PTPRD: variants seen among roughly 807,000 people sequenced by gnomAD.
PTPRD encodes receptor-type tyrosine-protein phosphatase delta.
In PTPRD, 34 loss-of-function variants were observed where a neutral mutation model predicts 214.5. The observed-to-expected ratio is 0.16, with a 90% CI of 0.12 to 0.21. The LOEUF is 0.21. Ranked by LOEUF, PTPRD falls within the 10% of genes least tolerant of loss-of-function variation. PTPRD has a pLI of 1.00. For synonymous variants in PTPRD, 1,128 were observed against 845.7 expected, an observed-to-expected ratio of 1.33 and a Z score of -5.79; for missense variants, 2,545 against 2,398.7, an observed-to-expected ratio of 1.06 and a Z score of -1.27.
chr9:10,267,711 A>C (rs2094160146), intron 3 of PTPRD, among the ~76,000 whole-genome samples: 1 of 152,166 alleles, frequency 6.6e-6, no homozygotes, highest in Admixed American at 6.5e-5. Flanking sequence ...CATAATAGTA[A>C]ATATAAATGT....
chr9:10,493,955 A>T (rs1482264293), intron 2 of PTPRD, among the ~76,000 whole-genome samples: 1 of 151,970 alleles, frequency 6.6e-6, no homozygotes, highest in Non-Finnish European at 1.5e-5. Context: ...ATGATGCCAT[A>T]TCTATTTGAC....
chr9:8,842,075 C>A lies in PTPRD; in HGVS notation c.-103-108129G>T, dbSNP rs149499228. On this transcript the variant is annotated intron_variant, in intron 11 of 45. Transcript: ENST00000381196. ...GTATTTTTTTAAACAAAAATAACTT[C>A]TTGTATAACAATGAGAATGAAAAAA... 9.6e-3 allele frequency among the ~76,000 whole-genome samples: 1,455 copies of A among 151,216 alleles called. 12 individuals carry two copies. Among genetic ancestry groups the A allele is most frequent in the Non-Finnish European group, 0.015 (1,015 of 67,870 alleles).
At chr9:8,687,399 C>G (rs1440718196) in intron 12 of PTPRD, among the ~76,000 whole-genome samples, 1 of 152,086 alleles carries the variant, frequency 6.6e-6, no homozygotes, top group African/African-American at 2.4e-5. Flanking sequence ...AAAGGAAAAC[C>G]AATATGAATG....
chr9:9,647,144 T>C lies in PTPRD; in HGVS notation c.-286-72363A>G, dbSNP rs1027643135. ...GGCTAATCTACTATCTGATTCACCA[T>C]TGAGGTTTTAAATCTAATTATTGCA... On this transcript the variant is annotated intron_variant, in intron 7 of 45. Transcript: ENST00000381196. Among the ~76,000 whole-genome samples the C allele has an allele frequency of 3.3e-5, 5 of 152,212 alleles. No homozygotes were observed. In the East Asian group the frequency reaches 5.8e-4, roughly 18 times the overall value.
chr9:8,979,470 T>C (rs1459747260), intron 11 of PTPRD, among the ~76,000 whole-genome samples: 3 of 151,990 alleles, frequency 2.0e-5, no homozygotes, highest in South Asian at 4.1e-4. Context: ...TGGAAAAAAG[T>C]ATTTTTAAAC....
chr9:9,110,484 T>C (rs777144482), intron 10 of PTPRD, among the ~76,000 whole-genome samples: 6 of 152,160 alleles, frequency 3.9e-5, no homozygotes. Context: ...ATTTCTCATA[T>C]TCAGTATGCT....
intron 44 of PTPRD, among the ~76,000 whole-genome samples, chr9:8,329,816 A>G (rs909533617): frequency 6.6e-6 from 1 of 152,110 alleles, no homozygotes; most frequent in African/African-American, 2.4e-5. Flanking sequence ...CTGTGAGGGT[A>G]AAACAAACAG....
chr9:8,966,569 G>A (rs1348484697), intron 11 of PTPRD, among the ~76,000 whole-genome samples: 1 of 151,980 alleles, frequency 6.6e-6, no homozygotes, highest in Admixed American at 6.6e-5. Flanking sequence ...CCAGAAGAAT[G>A]AAACTAGACC....
intron 19 of PTPRD, among the ~76,000 whole-genome samples, chr9:8,523,265 A>C (rs2097926061): frequency 6.6e-6 from 1 of 152,134 alleles, no homozygotes; most frequent in Admixed American, 6.6e-5. Context: ...ACACTGACCA[A>C]GTTCACTGGA....
intron 8 of PTPRD, among the ~76,000 whole-genome samples, chr9:9,475,243 T>C (rs1384013191): frequency 1.3e-5 from 2 of 152,094 alleles, no homozygotes; most frequent in South Asian, 4.1e-4. Context: ...TTATGTAGGG[T>C]TGACTCTCAG....
chr9:10,193,712 C>T (rs1750515646), intron 3 of PTPRD, among the ~76,000 whole-genome samples: 1 of 152,016 alleles, frequency 6.6e-6, no homozygotes, highest in Non-Finnish European at 1.5e-5. Flanking sequence ...CAAAGGTTCT[C>T]CTATTTTGGG....
rs555950365 is a variant in PTPRD at position 10,208,920 on chromosome 9, C to T, written c.-545+132043G>A. Among the ~76,000 whole-genome samples, 5 of 152,228 alleles carry T rather than the reference C, an allele frequency of 3.3e-5. No individual in the cohort carries two copies. In the East Asian group the frequency reaches 5.8e-4, roughly 18 times the overall value. On this transcript the variant is annotated intron_variant, in intron 3 of 45. Transcript: ENST00000381196. ...ATCCTACCGGACCATTTATTCATTA[C>T]GTAACAGACACCTTAAGGAGTAGAA... is the stretch of plus-strand genomic sequence containing the variant.
At chr9:9,942,380 C>T (rs2091698448) in intron 4 of PTPRD, among the ~76,000 whole-genome samples, 1 of 152,130 alleles carries the variant, frequency 6.6e-6, no homozygotes, top group East Asian at 1.9e-4. Context: ...TACTGATATA[C>T]CATAATTTAA....
intron 3 of PTPRD, among the ~76,000 whole-genome samples, chr9:10,051,020 A>G (rs2097526871): frequency 6.6e-6 from 1 of 152,148 alleles, no homozygotes; most frequent in African/African-American, 2.4e-5. Context: ...GCTATGCTAA[A>G]TGTACTTTAA....
At chr9:8,830,610 G>A (rs755183068) in intron 11 of PTPRD, among the ~76,000 whole-genome samples, 6 of 152,140 alleles carry the variant, frequency 3.9e-5, no homozygotes, top group Non-Finnish European at 8.8e-5. Flanking sequence ...CCAGTGAGGA[G>A]TGTGCAGCGA....
chr9:10,060,881 C>CTTTCT (rs1301930331), intron 3 of PTPRD, among the ~76,000 whole-genome samples: 3 of 68,372 alleles, frequency 4.4e-5, no homozygotes, highest in African/African-American at 4.3e-4. Flanking sequence ...TCCTTCCTTC[C>CTTTCT]TTCCTTCCTT....
At chr9:9,276,165 T>A (rs904421743) in intron 9 of PTPRD, among the ~76,000 whole-genome samples, 1 of 151,418 alleles carries the variant, frequency 6.6e-6, no homozygotes, top group African/African-American at 2.4e-5. Flanking sequence ...AGTAATTTCA[T>A]TGGGGACATT....
chr9:10,459,373 G>A (rs751928450), intron 2 of PTPRD, among the ~76,000 whole-genome samples: 13 of 152,204 alleles, frequency 8.5e-5, no homozygotes, highest in South Asian at 2.1e-4. Flanking sequence ...ATGTGCATGC[G>A]TCTTTACAGT....
intron 2 of PTPRD, among the ~76,000 whole-genome samples, chr9:10,434,817 T>C (rs946423993): frequency 6.6e-5 from 10 of 151,926 alleles, no homozygotes; most frequent in African/African-American, 2.4e-4. Context: ...TTATAGTCTC[T>C]GTTTTCTGCC....
Sources: allele counts gnomAD v4.1 joint callset (sites outside exome capture counted in the v4.1 genomes callset), GRCh38; gene constraint gnomAD v4.1.1; transcripts MANE v1.5; gene names NCBI Gene and HGNC (gene_info 2026-07-23, HGNC 2026-07-21).